Variants in ARFGEF1 observed in about 807,000 individuals in gnomAD.
ARFGEF1 encodes brefeldin A-inhibited guanine nucleotide-exchange protein 1.
In ARFGEF1, 42 loss-of-function variants were observed where a neutral mutation model predicts 231.0. The ratio of observed to expected loss-of-function variants is 0.18; its 90% CI spans 0.14 to 0.24. The LOEUF (loss-of-function observed/expected upper bound fraction) is 0.24. Among genes scored for constraint, ARFGEF1 ranks in the 10% least tolerant of loss-of-function variants. The pLI is 1.00. For synonymous variants in ARFGEF1, 710 were observed against 732.3 expected, an observed-to-expected ratio of 0.97 and a Z score of 0.49; for missense variants, 1,345 against 2,192.0, an observed-to-expected ratio of 0.61 and a Z score of 7.72.
intron 37 of ARFGEF1, among the ~76,000 whole-genome samples, chr8:67,200,787 G>A (rs544183580): frequency 2.0e-5 from 3 of 152,328 alleles, no homozygotes; most frequent in Admixed American, 6.5e-5. Flanking sequence ...CCGTGTGGCA[G>A]GTGGCACATG....
chr8:67,283,578 G>A (rs941959620), intron 7 of ARFGEF1, among the ~76,000 whole-genome samples: 6 of 152,016 alleles, frequency 3.9e-5, no homozygotes, highest in Admixed American at 3.3e-4. Flanking sequence ...AGACTTGGGC[G>A]AATGATAAAC....
intron 1 of ARFGEF1, among the ~76,000 whole-genome samples, chr8:67,312,325 G>A (rs541229771): frequency 6.7e-6 from 1 of 150,304 alleles, no homozygotes; most frequent in African/African-American, 2.4e-5. Flanking sequence ...CAGGTAGAAA[G>A]AAATGACATA....
chr8:67,175,564 C>A (rs1407756875), exon 6 of ARFGEF1: 1 of 1,100,666 alleles, frequency 9.1e-7, no homozygotes, highest in East Asian at 2.6e-5. Flanking sequence ...CTCACAGGGT[C>A]CGTTTGGTCT....
At chr8:67,234,757 AC>A (rs1053033927) in intron 22 of ARFGEF1, among the ~76,000 whole-genome samples, 1 of 152,170 alleles carries the variant, frequency 6.6e-6, no homozygotes, top group African/African-American at 2.4e-5. Flanking sequence ...AAAAGACAAC[AC>A]TGATAATATC....
intron 1 of ARFGEF1, among the ~76,000 whole-genome samples, chr8:67,304,649 A>G (rs1806652856): frequency 6.6e-6 from 1 of 152,186 alleles, no homozygotes; most frequent in South Asian, 2.1e-4. Context: ...CAACATGGTG[A>G]AACCCCATGA....
chr8:67,293,367 T>G (rs907941408), intron 5 of ARFGEF1, among the ~76,000 whole-genome samples: 1 of 152,046 alleles, frequency 6.6e-6, no homozygotes, highest in Non-Finnish European at 1.5e-5. Context: ...GCCAGGAACA[T>G]ATAAGGAACT....
intron 8 of ARFGEF1, 34 bp from the exon 9 acceptor site, chr8:67,276,143 G>A: frequency 6.2e-7 from 1 of 1,609,298 alleles, no homozygotes; most frequent in Non-Finnish European, 8.5e-7. Context: ...AAATTTTAGA[G>A]ATATTTGCCA....
In ARFGEF1 at chr8:67,218,004, T is replaced by C; in HGVS notation, c.4473A>G (p.Gln1491=). 1.2e-6 allele frequency: 2 copies of C among 1,612,478 alleles called. No individual in the cohort carries two copies. Among genetic ancestry groups the C allele is most frequent in the Non-Finnish European group, 1.7e-6 (2 of 1,179,250 alleles). The part of the protein sequence containing the change: ...IFAQLYWCVQ[Q]DNEQLARSGT... ...GTCACATATCTGGTACAGACCTACC[T>C]TGCTGCACACACCAGTAGAGCTGAG... is the stretch of plus-strand genomic sequence containing the variant. Residue 1491 remains glutamine (Q), a splice_region_variant and synonymous_variant, in exon 31 of 39, where the codon CAA becomes CAG. Transcript: ENST00000262215.
chr8:67,234,561 T>C (rs1337831821), intron 22 of ARFGEF1, among the ~76,000 whole-genome samples: 4 of 152,034 alleles, frequency 2.6e-5, no homozygotes, highest in South Asian at 2.1e-4. Flanking sequence ...CTTGGTAGTA[T>C]AGCCATAATG....
At chr8:67,256,594 A>C (rs984999863) in intron 17 of ARFGEF1, among the ~76,000 whole-genome samples, 1 of 152,212 alleles carries the variant, frequency 6.6e-6, no homozygotes, top group Non-Finnish European at 1.5e-5. Context: ...CAACCTAAGC[A>C]TAACAAATAT....
chr8:67,229,319 C>CT (rs1199679188), intron 23 of ARFGEF1, among the ~76,000 whole-genome samples: 2 of 152,100 alleles, frequency 1.3e-5, no homozygotes, highest in Non-Finnish European at 2.9e-5. Flanking sequence ...CTGCCTCACA[C>CT]TTACCTGAGC....
chr8:67,272,726 T>A (rs1018898952), intron 9 of ARFGEF1, among the ~76,000 whole-genome samples: 1 of 152,226 alleles, frequency 6.6e-6, no homozygotes, highest in African/African-American at 2.4e-5. Flanking sequence ...CATTAACAAG[T>A]GACAGCACTA....
intron 6 of ARFGEF1, among the ~76,000 whole-genome samples, chr8:67,288,816 C>T (rs748663797): frequency 6.6e-6 from 1 of 152,146 alleles, no homozygotes; most frequent in Non-Finnish European, 1.5e-5. Flanking sequence ...GGTGAGGTCC[C>T]TGAAGAAGCA....
chr8:67,214,773 A>C (rs1436049392), intron 33 of ARFGEF1, among the ~76,000 whole-genome samples: 1 of 152,238 alleles, frequency 6.6e-6, no homozygotes, highest in Non-Finnish European at 1.5e-5. Flanking sequence ...ACCAGCAGAC[A>C]TATGGCCAGC....
intron 7 of ARFGEF1, among the ~76,000 whole-genome samples, chr8:67,280,913 A>T (rs920096699): frequency 6.6e-6 from 1 of 152,210 alleles, no homozygotes; most frequent in South Asian, 2.1e-4. Context: ...GACAAAAGAC[A>T]GCAATCTGAG....
chr8:67,188,483 G>T (rs1835299057), intron 5 of ARFGEF1, among the ~76,000 whole-genome samples: 1 of 152,340 alleles, frequency 6.6e-6, no homozygotes, highest in African/African-American at 2.4e-5. Context: ...TGAGAGCACA[G>T]GGGGAGGGAC....
chr8:67,239,972 G>T (rs1380520472), intron 20 of ARFGEF1, among the ~76,000 whole-genome samples, 190 bp downstream of exon 20: 2 of 152,184 alleles, frequency 1.3e-5, no homozygotes, highest in Non-Finnish European at 1.5e-5. Context: ...AACTTAGACA[G>T]ATCAGTATAG....
At chr8:67,273,049 G>A (rs1478724948) in intron 9 of ARFGEF1, among the ~76,000 whole-genome samples, 1 of 152,128 alleles carries the variant, frequency 6.6e-6, no homozygotes, top group African/African-American at 2.4e-5. Context: ...GGAGGTTGCA[G>A]TGAGCTGAGA....
chr8:67,333,066 TCA>T (rs1808175104), intron 1 of ARFGEF1, among the ~76,000 whole-genome samples: 1 of 149,880 alleles, frequency 6.7e-6, no homozygotes, highest in South Asian at 2.1e-4. Context: ...GACAAGAGTC[TCA>T]CTCTGTTGCC....
Sources: allele counts gnomAD v4.1 joint callset (sites outside exome capture counted in the v4.1 genomes callset), GRCh38; gene constraint gnomAD v4.1.1; transcripts MANE v1.5; gene names NCBI Gene and HGNC (gene_info 2026-07-23, HGNC 2026-07-21).